The following MYO6 variants were observed in gnomAD, a reference collection of about 807,000 sequenced individuals.
The protein encoded by MYO6 is myosin VI.
A neutral mutation model predicts 178.7 loss-of-function variants in MYO6; 74 were observed. The ratio of observed to expected loss-of-function variants is 0.41; its 90% CI spans 0.34 to 0.50. The LOEUF (loss-of-function observed/expected upper bound fraction) is 0.50, where lower values mean the gene tolerates loss of function less well. Among genes scored for constraint, MYO6 ranks in the 20% least tolerant of loss-of-function variants. The pLI is 0.09. For synonymous variants in MYO6, 477 were observed against 504.6 expected (o/e 0.95, Z 0.73); for missense variants, 1,330 against 1,547.4 (o/e 0.86, Z 2.36).
rs114970874 is a variant in MYO6 at position 75,908,548 on chromosome 6, G to A, written c.3333G>A (p.Val1111=). 1,339 of 1,613,432 alleles carry A rather than the reference G, an allele frequency of 8.3e-4. 13 individuals are homozygous for A. The African/African-American group carries it at 0.016, about 19-fold the overall frequency. Residue 1111 remains valine, a synonymous_variant, in exon 32 of 35, where the codon GTG becomes GTA. Coordinates refer to ENST00000369977, the MANE Select transcript of MYO6 (RefSeq NM_004999.4). ...CREEFHRRLK[V]YHAWKSKNKK... is the part of the protein sequence containing the mutation. ...AAGAATTTCATAGGAGACTAAAAGT[G>A]TATCATGCTTGGAAATCTAAGAACA...
At chr6:75,869,607 C>T (rs903919564) in intron 18 of MYO6, among the ~76,000 whole-genome samples, 7 of 151,986 alleles carry the variant, frequency 4.6e-5, no homozygotes, top group African/African-American at 1.7e-4. Flanking sequence ...TTAATAAATA[C>T]CTCAGTATAA....
chr6:75,838,400 A>G (rs181116083), intron 7 of MYO6, among the ~76,000 whole-genome samples: 62 of 152,290 alleles, frequency 4.1e-4, no homozygotes, highest in African/African-American at 1.4e-3. Flanking sequence ...CTAGAAGGGT[A>G]TAGCGTCTTT....
At chr6:75,780,057 T>C (rs6906615) in intron 1 of MYO6, among the ~76,000 whole-genome samples, 40,239 of 152,148 alleles carry the variant, frequency 0.26, 7,774 homozygotes, top group African/African-American at 0.54. Flanking sequence ...TGAAATCTAC[T>C]TGTTGCAAAA....
Position 75,873,210 on chromosome 6 carries a change from G to A in MYO6, c.1987G>A (p.Ala663Thr), listed in dbSNP as rs561073325. The part of the protein sequence containing the change: ...LLLDKLRSTG[A>T]SFIRCIKPNL... ...AAAAGTACCTTTATTTTCCTAGGGAGCAAGCTTTATTCGTTGCATCAAACC... is the reference window on the plus strand; with the variant it reads ...AAAAGTACCTTTATTTTCCTAGGGAACAAGCTTTATTCGTTGCATCAAACC... Residue 663 changes from alanine (A) to threonine (T), a missense_variant, in exon 20 of 35, where the codon GCA (alanine) becomes ACA (threonine). Ala to Thr is a moderately conservative substitution (Grantham distance 58). Around this residue, in one of 3 missense-constraint regions of MYO6, gnomAD observed 613 missense variants for 816.8 expected, o/e 0.75. Coordinates refer to ENST00000369977, the MANE Select transcript of MYO6 (RefSeq NM_004999.4). 2 of 1,613,674 alleles carry A rather than the reference G, an allele frequency of 1.2e-6. No homozygotes were observed. Among genetic ancestry groups the A allele is most frequent in the South Asian group, 1.1e-5 (1 of 91,076 alleles).
At position 75,840,324 on chromosome 6, in the gene MYO6, G is replaced by T. The variant is rs111376920; in HGVS notation, c.554-261G>T. Among the ~76,000 whole-genome samples, 465 of 152,002 alleles carry T rather than the reference G, an allele frequency of 3.1e-3. 5 individuals are homozygous for T. Among genetic ancestry groups the T allele is most frequent in the African/African-American group, 0.011 (442 of 41,464 alleles). On this transcript the variant is annotated intron_variant, in intron 7 of 34. Coordinates refer to ENST00000369977, the MANE Select transcript of MYO6 (RefSeq NM_004999.4). ...TTACAGGCATGCACCTCCACGCCTGGCTAATTTTTGTATTTTTTAGTAGAG... is the reference window on the plus strand; with the variant it reads ...TTACAGGCATGCACCTCCACGCCTGTCTAATTTTTGTATTTTTTAGTAGAG...
At chr6:75,788,559 C>A (rs570305519) in intron 1 of MYO6, among the ~76,000 whole-genome samples, 5 of 152,148 alleles carry the variant, frequency 3.3e-5, no homozygotes, top group African/African-American at 1.2e-4. Context: ...AACTGAAGCA[C>A]CCTGATGGTG....
At chr6:75,868,948 C>G (rs1776919123) in intron 18 of MYO6, among the ~76,000 whole-genome samples, 1 of 151,846 alleles carries the variant, frequency 6.6e-6, no homozygotes, top group Non-Finnish European at 1.5e-5. Flanking sequence ...CATGAGTTGC[C>G]TGAGGCTTTT....
intron 32 of MYO6, among the ~76,000 whole-genome samples, chr6:75,910,732 A>C (rs1780697198): frequency 6.6e-6 from 1 of 152,104 alleles, no homozygotes. Flanking sequence ...TCTTCCTCAT[A>C]CAAAATTCAT....
At chr6:75,855,106 T>G (rs769683848) in intron 11 of MYO6, 33 bp from the exon 12 acceptor site, 2 of 1,527,584 alleles carry the variant, frequency 1.3e-6, no homozygotes, top group Admixed American at 3.6e-5. Flanking sequence ...TATATAATAC[T>G]TATTAATTTC....
chr6:75,837,127 C>T (rs1482155515), intron 7 of MYO6, among the ~76,000 whole-genome samples: 2 of 152,114 alleles, frequency 1.3e-5, no homozygotes, highest in South Asian at 2.1e-4. Context: ...CTTACTTTCC[C>T]CCACTATGTA....
chr6:75,832,188 TAAAA>T (rs1773165623), intron 5 of MYO6, among the ~76,000 whole-genome samples: 1 of 152,172 alleles, frequency 6.6e-6, no homozygotes, highest in African/African-American at 2.4e-5. Context: ...TGAAGATAGT[TAAAA>T]AATATATATG....
intron 20 of MYO6, among the ~76,000 whole-genome samples, chr6:75,878,569 TCTGA>T (rs1180268188): frequency 6.6e-6 from 1 of 152,232 alleles, no homozygotes; most frequent in Non-Finnish European, 1.5e-5. Flanking sequence ...TAAAATTCAA[TCTGA>T]CTGTCTGTAA....
intron 11 of MYO6, among the ~76,000 whole-genome samples, chr6:75,854,388 G>C (rs1232702204): frequency 7.4e-6 from 1 of 135,958 alleles, no homozygotes; most frequent in Admixed American, 8.9e-5. Flanking sequence ...CAGTAAATAA[G>C]GAAAAGAGGA....
At chr6:75,849,766 A>G (rs1007212634) in intron 11 of MYO6, among the ~76,000 whole-genome samples, 1 of 152,218 alleles carries the variant, frequency 6.6e-6, no homozygotes, top group Non-Finnish European at 1.5e-5. Flanking sequence ...AGCGAGAAAC[A>G]AAGGCAGTAA....
chr6:75,780,135 C>T (rs1449113864), intron 1 of MYO6, among the ~76,000 whole-genome samples: 1 of 152,134 alleles, frequency 6.6e-6, no homozygotes. Flanking sequence ...ATTGTTAAAT[C>T]AGCACACTTT....
intron 20 of MYO6, among the ~76,000 whole-genome samples, chr6:75,878,133 A>C (rs1777718300): frequency 6.6e-6 from 1 of 152,200 alleles, no homozygotes; most frequent in African/African-American, 2.4e-5. Context: ...AGTAACAGAA[A>C]TTAAATAGTA....
intron 13 of MYO6, among the ~76,000 whole-genome samples, chr6:75,858,171 T>C (rs1775888163): frequency 6.6e-6 from 1 of 152,122 alleles, no homozygotes; most frequent in African/African-American, 2.4e-5. Flanking sequence ...TGCAATATAA[T>C]CTCTTGATTT....
At chr6:75,863,643 G>A (rs9447568) in intron 16 of MYO6, among the ~76,000 whole-genome samples, 2,974 of 151,918 alleles carry the variant, frequency 0.02, 96 homozygotes, top group African/African-American at 0.068. Context: ...GCACCACCAC[G>A]CCCGGCTAAT....
intron 8 of MYO6, among the ~76,000 whole-genome samples, 173 bp from the exon 9 acceptor site, chr6:75,841,041 A>G (rs1421664839): frequency 6.6e-6 from 1 of 152,240 alleles, no homozygotes; most frequent in Non-Finnish European, 1.5e-5. Flanking sequence ...GATGACCATT[A>G]TAAATACTCT....
Sources: gnomAD v4.1 joint callset for allele counts (sites outside exome capture counted in the v4.1 genomes callset) on GRCh38, gnomAD v4.1.1 for gene constraint, gnomAD v4.1.1 regional missense constraint, MANE v1.5 for transcripts, NCBI Gene and HGNC (gene_info 2026-07-23, HGNC 2026-07-21) for gene names.